The following VRK2 variants were observed in gnomAD, a reference collection of about 807,000 sequenced individuals.
VRK2 encodes the protein serine/threonine-protein kinase VRK2.
VRK2 carries 60 observed loss-of-function variants against 57.6 expected under a neutral mutation model. That is an observed-to-expected ratio of 1.04 (90% CI 0.85 to 1.29). The LOEUF is 1.29. Ranked by LOEUF, VRK2 falls within the 50% of genes most tolerant of loss-of-function variation. The pLI is 0.00. For synonymous variants in VRK2, 231 were observed against 199.2 expected (o/e 1.16, Z -1.35); for missense variants, 705 against 588.1 (o/e 1.20, Z -2.06).
At chr2:57,981,614 A>G (rs1672425944) in intron 1 of VRK2, among the ~76,000 whole-genome samples, 1 of 152,278 alleles carries the variant, frequency 6.6e-6, no homozygotes, top group Admixed American at 6.5e-5. Flanking sequence ...TTTGTGGACA[A>G]TATTCTAAAA....
chr2:57,915,271 T>A (rs1211162750), intron 1 of VRK2, among the ~76,000 whole-genome samples: 10 of 152,156 alleles, frequency 6.6e-5, no homozygotes, highest in Non-Finnish European at 1.5e-4. Flanking sequence ...GAACTACACA[T>A]GATTCTACAT....
intron 2 of VRK2, among the ~76,000 whole-genome samples, chr2:58,077,680 A>G (rs1447540519): frequency 6.6e-6 from 1 of 152,060 alleles, no homozygotes; most frequent in Non-Finnish European, 1.5e-5. Flanking sequence ...ACATCCTTCC[A>G]TACCCTCTCT....
chr2:57,979,375 G>A (rs1672348935), intron 1 of VRK2, among the ~76,000 whole-genome samples: 1 of 151,122 alleles, frequency 6.6e-6, no homozygotes, highest in Admixed American at 6.6e-5. Context: ...GCATGCGATG[G>A]TATCTCATTG....
rs777568110 is a variant in VRK2, at chr2:58,135,194, G to A, written c.851G>A (p.Ser284Asn). 6.2e-7 allele frequency: 1 copy of A among 1,614,152 alleles called. No individual in the cohort carries two copies. Among genetic ancestry groups the A allele is most frequent in the East Asian group, 2.2e-5 (1 of 44,878 alleles). The change falls in exon 10 of 13, where the codon AGT (serine) becomes AAT (asparagine). Residue 284 changes from serine (S) to asparagine (N), a missense_variant. Physicochemically the swap from Ser to Asn is conservative, Grantham distance 46. Transcript: ENST00000340157. ...SVLKWAPSGSSCCEIAQFLVC... is the reference protein window; with the variant it reads ...SVLKWAPSGSNCCEIAQFLVC... ...CTTAAATGGGCTCCTTCTGGAAGCA[G>A]TTGCTGTAAGTCAAATAATAACTTC...
intron 7 of VRK2, among the ~76,000 whole-genome samples, chr2:58,103,357 C>G (rs1002178307): frequency 6.6e-6 from 1 of 151,160 alleles, no homozygotes; most frequent in Admixed American, 6.6e-5. Flanking sequence ...ACTGGCTACA[C>G]TAACCAAGAA....
intron 1 of VRK2, among the ~76,000 whole-genome samples, chr2:57,930,100 C>G (rs922774725): frequency 2.0e-5 from 3 of 152,158 alleles, no homozygotes; most frequent in Non-Finnish European, 2.9e-5. Flanking sequence ...CCCTGTAGAT[C>G]TCCTGGCCCC....
intron 1 of VRK2, among the ~76,000 whole-genome samples, chr2:57,919,502 T>A (rs923718246): frequency 6.6e-6 from 1 of 152,068 alleles, no homozygotes; most frequent in Non-Finnish European, 1.5e-5. Flanking sequence ...TTTAAGAGTA[T>A]ACCCTTATTT....
intron 1 of VRK2, among the ~76,000 whole-genome samples, chr2:57,908,651 T>C (rs1180851406): frequency 6.6e-6 from 1 of 152,216 alleles, no homozygotes; most frequent in Admixed American, 6.5e-5. Flanking sequence ...TTACTAAGTG[T>C]TTTCTAAACT....
At chr2:58,123,255 C>G (rs749559998) in intron 8 of VRK2, 22 bp downstream of exon 8, 1 of 1,570,848 alleles carries the variant, frequency 6.4e-7, no homozygotes, top group African/African-American at 1.4e-5. Context: ...TTTTCTTTTT[C>G]TTATTTTTAT....
intron 1 of VRK2, among the ~76,000 whole-genome samples, chr2:57,952,316 C>T (rs115659740): frequency 0.013 from 1,990 of 151,960 alleles, 59 homozygotes; most frequent in African/African-American, 0.046. Flanking sequence ...TTGATAATAC[C>T]CATAAGGAAA....
At chr2:58,041,140 G>A (rs777420563) in intron 3 of VRK2, 5 of 891,460 alleles carry the variant, frequency 5.6e-6, no homozygotes, top group Non-Finnish European at 6.7e-6. Context: ...CGTATTTGGG[G>A]AATGGACAGG....
At chr2:58,020,919 G>A (rs1380547334) in intron 1 of VRK2, among the ~76,000 whole-genome samples, 2 of 152,170 alleles carry the variant, frequency 1.3e-5, no homozygotes, top group Non-Finnish European at 2.9e-5. Flanking sequence ...TGATAGTCTA[G>A]GAGAGTGTTT....
At chr2:58,067,357 C>T (rs138902924) in intron 2 of VRK2, among the ~76,000 whole-genome samples, 128 of 152,266 alleles carry the variant, frequency 8.4e-4, no homozygotes, top group African/African-American at 2.8e-3. Flanking sequence ...TTCATATATA[C>T]ATCTATATAC....
intron 2 of VRK2, among the ~76,000 whole-genome samples, chr2:58,050,277 A>G (rs1334268964): frequency 5.3e-5 from 8 of 152,226 alleles, no homozygotes; most frequent in African/African-American, 1.9e-4. Flanking sequence ...AAAGTCTTCA[A>G]AATCCAAGGT....
At chr2:57,993,536 A>T (rs1207450570) in intron 1 of VRK2, among the ~76,000 whole-genome samples, 1 of 152,226 alleles carries the variant, frequency 6.6e-6, no homozygotes, top group Admixed American at 6.5e-5. Flanking sequence ...CTTCATTTAA[A>T]TCGCATTGCA....
At chr2:57,918,474 C>G (rs1346384149) in intron 1 of VRK2, among the ~76,000 whole-genome samples, 1 of 152,070 alleles carries the variant, frequency 6.6e-6, no homozygotes. Context: ...TGGCTTGCCT[C>G]TTTTCCAGAC....
intron 1 of VRK2, among the ~76,000 whole-genome samples, chr2:58,013,166 A>T (rs1291164135): frequency 6.6e-6 from 1 of 152,244 alleles, no homozygotes; most frequent in Non-Finnish European, 1.5e-5. Context: ...TTAAATGCCA[A>T]TATATTTTCA....
chr2:57,990,854 TACACACACAC>T (rs34097486), intron 1 of VRK2, among the ~76,000 whole-genome samples: 17 of 148,786 alleles, frequency 1.1e-4, no homozygotes, highest in East Asian at 5.9e-4. Flanking sequence ...CACACAGACA[TACACACACAC>T]ACACACACAC....
chr2:58,139,835 A>C lies in VRK2; in HGVS notation c.1023+3A>C. On this transcript the variant is annotated splice_donor_region_variant and intron_variant, in intron 11 of 12. Coordinates refer to ENST00000340157, the MANE Select transcript of VRK2 (RefSeq NM_006296.7). ...TCCATACTCCAAACAGTCAAAAAGTAAGTAACATAATCCCTGCTATCCTAT... is the reference window on the plus strand; with the variant it reads ...TCCATACTCCAAACAGTCAAAAAGTCAGTAACATAATCCCTGCTATCCTAT... 6.2e-7 allele frequency: 1 copy of C among 1,608,204 alleles called. No individual in the cohort carries two copies. Among genetic ancestry groups the C allele is most frequent in the Non-Finnish European group, 8.5e-7 (1 of 1,177,044 alleles).
Sources: gnomAD v4.1 joint callset for allele counts (sites outside exome capture counted in the v4.1 genomes callset) on GRCh38, gnomAD v4.1.1 for gene constraint, MANE v1.5 for transcripts, NCBI Gene and HGNC (gene_info 2026-07-23, HGNC 2026-07-21) for gene names.